TOP2B: variants seen among roughly 807,000 people sequenced by gnomAD.
TOP2B encodes DNA topoisomerase 2-beta.
TOP2B carries 51 observed loss-of-function variants against 193.5 expected under a neutral mutation model. The observed-to-expected ratio is 0.26, with a 90% confidence interval of 0.21 to 0.33. The LOEUF (loss-of-function observed/expected upper bound fraction) is 0.33, where lower values mean the gene tolerates loss of function less well. TOP2B is among the 10% of genes least tolerant of loss of function. The pLI, the probability that TOP2B is intolerant of heterozygous loss-of-function variation, is 1.00. For missense variants in TOP2B, 1,378 were observed against 1,909.3 expected (o/e 0.72, Z 5.19); for synonymous variants, 634 against 635.7 (o/e 1.00, Z 0.04).
intron 8 of TOP2B, 57 bp from the exon 9 acceptor site, chr3:25,632,851 AC>A (rs1403621350): frequency 1.5e-6 from 2 of 1,365,824 alleles, no homozygotes; most frequent in African/African-American, 2.9e-5. Flanking sequence ...GTAGCAAAAT[AC>A]TTTATCTGTA....
rs538376884 is a variant in TOP2B at position 25,637,366 on chromosome 3, T to G, written c.542-54A>C. On this transcript the variant is annotated intron_variant, in intron 5 of 35. Transcript: ENST00000264331. ...TAGTAAAAATGATTTTAAAGGAACT[T>G]CGTTAATTTACCACCATACGGCAAG... 18 of 1,356,072 alleles carry G rather than the reference T, an allele frequency of 1.3e-5. No individual in the cohort carries two copies. The African/African-American group carries it at 2.3e-4, about 18-fold the overall frequency. 84.0% of individuals were successfully genotyped at this position (1,356,072 alleles called of 1,614,324 possible).
intron 4 of TOP2B, among the ~76,000 whole-genome samples, chr3:25,639,648 G>A (rs1334031750): frequency 1.1e-4 from 16 of 152,150 alleles, no homozygotes; most frequent in Non-Finnish European, 1.5e-5. Flanking sequence ...CAAATAAATT[G>A]TTTCAATACT....
At chr3:25,640,260 G>A (rs997181927) in intron 4 of TOP2B, among the ~76,000 whole-genome samples, 5 of 152,038 alleles carry the variant, frequency 3.3e-5, no homozygotes, top group African/African-American at 9.7e-5. Flanking sequence ...ATACAAATCA[G>A]CAACTTCTCA....
Position 25,634,002 on chromosome 3 carries a change from G to T in TOP2B, c.865C>A (p.Arg289Ser), listed in dbSNP as rs776876327. The part of the protein sequence containing the change: ...NGKKLPVNGF[R>S]SYVDLYVKDK... ...TTCACATAAAGATCTACATAACTGC[G>T]AAATCCATTTACCTATTAATTTAAA... Residue 289 changes from arginine to serine, a missense_variant, in exon 8 of 36, where the codon CGC becomes AGC. By Grantham distance (110) the Arg-to-Ser change is moderately radical. Around this residue, in one of 9 missense-constraint regions of TOP2B, gnomAD observed 222 missense variants for 306.6 expected, o/e 0.72. Transcript: ENST00000264331. 6.2e-7 allele frequency: 1 copy of T among 1,602,218 alleles called. No homozygotes were observed. Among genetic ancestry groups the T allele is most frequent in the East Asian group, 2.2e-5 (1 of 44,676 alleles).
chr3:25,615,481 A>T lies in TOP2B; in HGVS notation c.3457T>A (p.Ser1153Thr). 1 of 1,574,422 alleles carries T rather than the reference A, an allele frequency of 6.4e-7. No homozygotes were observed. Among genetic ancestry groups the T allele is most frequent in the Non-Finnish European group, 8.6e-7 (1 of 1,161,132 alleles). Residue 1153 changes from serine (S) to threonine (T), a missense_variant, in exon 26 of 36, where the codon TCT becomes ACT. By Grantham distance (58) the Ser-to-Thr change is moderately conservative. Around this residue, in one of 9 missense-constraint regions of TOP2B, gnomAD observed 556 missense variants for 584.2 expected, o/e 0.95. Coordinates refer to ENST00000264331, the MANE Select transcript of TOP2B (RefSeq NM_001330700.2). ...TCTTCAACTTTTTCTTTAGTAAGAG[A>T]CCACAGAGACATATTTAAAATATAA... Reference protein sequence around the residue: ...FNYILNMSLWSLTKEKVEELI... With the variant: ...FNYILNMSLWTLTKEKVEELI...
At position 25,612,695 on chromosome 3, in the gene TOP2B, T is replaced by C. The variant is rs773809596; in HGVS notation, c.3606A>G (p.Gln1202=). 6.2e-7 allele frequency: 1 copy of C among 1,613,382 alleles called. No homozygotes were observed. Among genetic ancestry groups the C allele is most frequent in the Admixed American group, 1.7e-5 (1 of 59,980 alleles). The change falls in exon 28 of 36, where the codon CAA becomes CAG. Residue 1202 remains glutamine (Q), a synonymous_variant. Transcript: ENST00000264331. ...FVEELDKVES[Q]EREDVLAGMS... is the part of the protein sequence containing the mutation. ...TTCCAGCCAGAACATCTTCTCGTTC[T>C]TGAGATTCCACTTTCTAAAGTATAA...
Position 25,623,573 on chromosome 3 carries a change from G to C in TOP2B, c.2669C>G (p.Ala890Gly). Reference sequence around the variant, plus strand: ...TCTGACATTGTTCACAATTTCCCTAGCATCATAGTTGGGTAGTTTACAAGC... The same window carrying C: ...TCTGACATTGTTCACAATTTCCCTACCATCATAGTTGGGTAGTTTACAAGC... ...GWACKLPNYDAREIVNNVRRM... is the reference protein window; with the variant it reads ...GWACKLPNYDGREIVNNVRRM... The change falls in exon 21 of 36, where the codon GCT (alanine) becomes GGT (glycine). Residue 890 changes from alanine to glycine, a missense_variant. Transcript: ENST00000264331. 6.2e-7 allele frequency: 1 copy of C among 1,613,882 alleles called. No homozygotes were observed. Among genetic ancestry groups the C allele is most frequent in the East Asian group, 2.2e-5 (1 of 44,860 alleles).
chr3:25,609,092 G>T, intron 30 of TOP2B, 91 bp downstream of exon 30: 1 of 1,081,940 alleles, frequency 9.2e-7, no homozygotes, highest in Non-Finnish European at 1.2e-6. Context: ...AAATACTAAT[G>T]GCTTAGTACT....
intron 6 of TOP2B, 82 bp from the exon 7 acceptor site, chr3:25,636,230 C>A: frequency 4.6e-6 from 4 of 863,862 alleles, no homozygotes; most frequent in Non-Finnish European, 6.9e-6. Context: ...TAAATTCATT[C>A]ATTTATCAAA....
intron 8 of TOP2B, among the ~76,000 whole-genome samples, 195 bp from the exon 9 acceptor site, chr3:25,632,989 TTTGC>T (rs757337899): frequency 7.2e-5 from 11 of 152,074 alleles, no homozygotes; most frequent in East Asian, 1.9e-4. Context: ...TGTTTGTTTG[TTTGC>T]TTTCCTCACT....
At chr3:25,647,010 C>T (rs1219538762) in intron 1 of TOP2B, among the ~76,000 whole-genome samples, 1 of 152,122 alleles carries the variant, frequency 6.6e-6, no homozygotes, top group African/African-American at 2.4e-5. Flanking sequence ...ATTAACACTG[C>T]TCAAAGACAA....
intron 35 of TOP2B, 51 bp downstream of exon 35, chr3:25,599,384 G>A: frequency 6.4e-7 from 1 of 1,559,208 alleles, no homozygotes; most frequent in South Asian, 1.2e-5. Flanking sequence ...GTCACTTACA[G>A]ATCTTTTTTT....
chr3:25,622,299 T>C (rs962295440), intron 21 of TOP2B, among the ~76,000 whole-genome samples: 1 of 152,180 alleles, frequency 6.6e-6, no homozygotes, highest in Non-Finnish European at 1.5e-5. Flanking sequence ...AAAAATTTGA[T>C]GCTTATGTTA....
At chr3:25,652,648 A>G (rs1462045586) in intron 1 of TOP2B, among the ~76,000 whole-genome samples, 1 of 152,204 alleles carries the variant, frequency 6.6e-6, no homozygotes, top group Non-Finnish European at 1.5e-5. Context: ...AACACAATAG[A>G]GCAATATTTA....
intron 4 of TOP2B, among the ~76,000 whole-genome samples, chr3:25,640,568 C>T (rs1703228433): frequency 6.6e-6 from 1 of 152,020 alleles, no homozygotes; most frequent in South Asian, 2.1e-4. Context: ...CCTCCCTCTT[C>T]TGCCTACACA....
chr3:25,616,090 C>A (rs1366479191), intron 25 of TOP2B: 2 of 151,894 alleles, frequency 1.3e-5, no homozygotes, highest in African/African-American at 2.4e-5. Flanking sequence ...CCAGAATATT[C>A]ATGTCAGGAC....
intron 10 of TOP2B, among the ~76,000 whole-genome samples, chr3:25,631,797 T>C (rs1702966456): frequency 6.6e-6 from 1 of 152,128 alleles, no homozygotes; most frequent in Non-Finnish European, 1.5e-5. Context: ...AAAAGTACTA[T>C]TTCTACAGGC....
Position 25,623,661 on chromosome 3 carries a change from A to C in TOP2B, c.2581T>G (p.Trp861Gly). The change falls in exon 21 of 36, where the codon TGG (tryptophan) becomes GGG (glycine). Residue 861 changes from tryptophan to glycine, a missense_variant. By Grantham distance (184) the Trp-to-Gly change is radical (BLOSUM62 -2). Coordinates refer to ENST00000264331, the MANE Select transcript of TOP2B (RefSeq NM_001330700.2). ...ACCATGGGAATTATAGGAATATACC[A>C]CTCAGGCTCTACACGTTGATTATCA... ...YDDNQRVEPE[W>G]YIPIIPMVLI... The C allele has an allele frequency of 6.2e-7, 1 of 1,613,330 alleles. No homozygotes were observed. Among genetic ancestry groups the C allele is most frequent in the East Asian group, 2.2e-5 (1 of 44,790 alleles).
At chr3:25,653,522 C>T (rs1445494400) in intron 1 of TOP2B, among the ~76,000 whole-genome samples, 2 of 151,938 alleles carry the variant, frequency 1.3e-5, no homozygotes, top group Non-Finnish European at 2.9e-5. Context: ...AGCACACCCA[C>T]CCTCCTCCTT....
Sources: gnomAD v4.1 joint callset for allele counts (sites outside exome capture counted in the v4.1 genomes callset) on GRCh38, gnomAD v4.1.1 for gene constraint, gnomAD v4.1.1 regional missense constraint, MANE v1.5 for transcripts, NCBI Gene and HGNC (gene_info 2026-07-23, HGNC 2026-07-21) for gene names.